CTDP1: variants seen among roughly 807,000 people sequenced by gnomAD.
CTDP1 encodes RNA polymerase II subunit A C-terminal domain phosphatase.
Under a neutral mutation model 91.8 loss-of-function variants are expected in CTDP1, and 47 were observed. That is an observed-to-expected ratio of 0.51 (90% CI 0.41 to 0.65). The LOEUF (loss-of-function observed/expected upper bound fraction) is 0.65. CTDP1 is among the 30% of genes least tolerant of loss of function. The pLI, the probability that CTDP1 is intolerant of heterozygous loss-of-function variation, is 0.00. For missense variants in CTDP1, 1,272 were observed against 1,373.7 expected (o/e 0.93, Z 1.17); for synonymous variants, 656 against 598.5 (o/e 1.10, Z -1.40).
intron 5 of CTDP1, among the ~76,000 whole-genome samples, chr18:79,708,044 C>T (rs984743479): frequency 2.6e-5 from 4 of 152,186 alleles, no homozygotes; most frequent in African/African-American, 7.2e-5. Context: ...GAAACAATCG[C>T]ATTTATTTCT....
At chr18:79,678,351 C>T (rs1263808167), upstream of CTDP1, 1 of 152,178 alleles carries the variant, frequency 6.6e-6, no homozygotes, top group East Asian at 1.9e-4. Context: ...GACACTATAC[C>T]CACACTCAAT....
rs551653245 is a variant in CTDP1, at chr18:79,709,041, G to A, written c.773-1305G>A. On this transcript the variant is annotated intron_variant, in intron 5 of 12. Coordinates refer to ENST00000613122, the MANE Select transcript of CTDP1 (RefSeq NM_004715.5). The stretch of plus-strand genomic sequence containing the variant: ...GCTTCAGCCACTTGTATGATGAGTA[G>A]CTGAAACATTTCTTTTTGAGGCTTC... 1.1e-4 allele frequency among the ~76,000 whole-genome samples: 17 copies of A among 152,362 alleles called. 1 individual carries two copies. The South Asian group carries it at 3.1e-3, about 28-fold the overall frequency.
chr18:79,695,418 G>A (rs949052043), intron 2 of CTDP1, 110 bp downstream of exon 2: 31 of 952,736 alleles, frequency 3.3e-5, no homozygotes, highest in East Asian at 4.9e-5. Flanking sequence ...GTTTCCCAGC[G>A]GCAGATGCAG....
At chr18:79,689,183 A>G (rs1197304206) in intron 1 of CTDP1, among the ~76,000 whole-genome samples, 1 of 152,104 alleles carries the variant, frequency 6.6e-6, no homozygotes, top group African/African-American at 2.4e-5. Flanking sequence ...TTCTTTCTGT[A>G]TCATTGCCTG....
At chr18:79,693,829 T>G (rs1219832775) in intron 1 of CTDP1, among the ~76,000 whole-genome samples, 4 of 150,204 alleles carry the variant, frequency 2.7e-5, no homozygotes, top group Non-Finnish European at 5.9e-5. Context: ...CCCTGCAGGA[T>G]GCTGGCTACA....
At chr18:79,727,337 C>T (rs556467414) in intron 10 of CTDP1, among the ~76,000 whole-genome samples, 6 of 152,184 alleles carry the variant, frequency 3.9e-5, no homozygotes, top group African/African-American at 1.4e-4. Flanking sequence ...GCACAGCGTT[C>T]GCGGTGTTCG....
intron 12 of CTDP1, among the ~76,000 whole-genome samples, chr18:79,752,345 C>T (rs2087020275): frequency 7.4e-6 from 1 of 135,084 alleles, no homozygotes; most frequent in Non-Finnish European, 1.7e-5. Flanking sequence ...TGCAGAGGCT[C>T]CTAAGGAAAG....
At chr18:79,721,472 G>C (rs1329054850) in intron 10 of CTDP1, among the ~76,000 whole-genome samples, 1 of 152,192 alleles carries the variant, frequency 6.6e-6, no homozygotes, top group Non-Finnish European at 1.5e-5. Flanking sequence ...CACGATGGCA[G>C]GACAGATACG....
chr18:79,746,767 C>G (rs1353073442), intron 12 of CTDP1, among the ~76,000 whole-genome samples: 2 of 152,180 alleles, frequency 1.3e-5, no homozygotes, highest in African/African-American at 4.8e-5. Flanking sequence ...CAGGTGCGCA[C>G]CACCATGCCT....
chr18:79,733,633 G>A (rs193139806), intron 11 of CTDP1, among the ~76,000 whole-genome samples: 5 of 151,984 alleles, frequency 3.3e-5, no homozygotes, highest in Admixed American at 6.5e-5. Context: ...GCTGGCGTCC[G>A]CTGCCTCTCC....
intron 6 of CTDP1, among the ~76,000 whole-genome samples, chr18:79,712,191 A>G (rs1460856880): frequency 6.6e-6 from 1 of 152,232 alleles, no homozygotes; most frequent in Non-Finnish European, 1.5e-5. Flanking sequence ...GAATGGGGAC[A>G]TGCCCAGGAT....
rs931270644 is a variant in CTDP1, at chr18:79,715,701, G to A, written c.2068+173G>A. Among the ~76,000 whole-genome samples, 19 of 152,370 alleles carry A rather than the reference G, an allele frequency of 1.2e-4. 1 individual carries two copies. The highest frequency in any genetic ancestry group is 2.5e-4 in the Non-Finnish European group (17 of 68,028). The stretch of plus-strand genomic sequence containing the variant: ...GTGGGTGAAATTGGAGTTTGGGCAC[G>A]TTCATGCTTTCAGACCGCAGTCATC... On this transcript the variant is annotated intron_variant, in intron 8 of 12. Transcript: ENST00000613122.
At chr18:79,735,154 G>A (rs561994061) in intron 11 of CTDP1, among the ~76,000 whole-genome samples, 4 of 152,086 alleles carry the variant, frequency 2.6e-5, no homozygotes, top group South Asian at 2.1e-4. Context: ...ACTCGGCCTC[G>A]ACTGCTCCGA....
At chr18:79,706,183 G>A (rs1020497092) in intron 5 of CTDP1, among the ~76,000 whole-genome samples, 2 of 152,364 alleles carry the variant, frequency 1.3e-5, no homozygotes, top group South Asian at 2.1e-4. Context: ...GGCGCCCACT[G>A]ACCTGCAGCC....
At chr18:79,723,698 T>C (rs771533193) in intron 10 of CTDP1, among the ~76,000 whole-genome samples, 4 of 152,022 alleles carry the variant, frequency 2.6e-5, no homozygotes, top group Non-Finnish European at 5.9e-5. Context: ...GGGAACAGGC[T>C]CACCACTAGG....
At chr18:79,719,969 C>T (rs2086301848) in intron 10 of CTDP1, among the ~76,000 whole-genome samples, 1 of 146,106 alleles carries the variant, frequency 6.8e-6, no homozygotes, top group African/African-American at 2.6e-5. Flanking sequence ...GATGATGTCA[C>T]CTCCCATTGT....
intron 6 of CTDP1, among the ~76,000 whole-genome samples, chr18:79,711,068 T>C (rs769846096): frequency 1.3e-5 from 2 of 151,948 alleles, no homozygotes; most frequent in Non-Finnish European, 2.9e-5. Flanking sequence ...GGCTTTTGTG[T>C]CTGTGGAGGC....
chr18:79,685,160 TGTAGACCA>T (rs1179750339), intron 1 of CTDP1, among the ~76,000 whole-genome samples: 1 of 152,220 alleles, frequency 6.6e-6, no homozygotes, highest in East Asian at 1.9e-4. Context: ...TGCTGCTCTC[TGTAGACCA>T]GGTTTCAGCC....
intron 12 of CTDP1, among the ~76,000 whole-genome samples, chr18:79,737,695 G>A (rs72976160): frequency 0.12 from 18,975 of 152,144 alleles, 1,576 homozygotes; most frequent in Non-Finnish European, 0.19. Context: ...GGGTGGTGGC[G>A]GAGACCTGCC....
Sources: allele counts gnomAD v4.1 joint callset (sites outside exome capture counted in the v4.1 genomes callset), GRCh38; gene constraint gnomAD v4.1.1; transcripts MANE v1.5; gene names NCBI Gene and HGNC (gene_info 2026-07-23, HGNC 2026-07-21).